The following PARVA variants were observed in gnomAD, a reference collection of about 807,000 sequenced individuals.
The protein encoded by PARVA is parvin alpha, also known as alpha-parvin.
Under a neutral mutation model 52.6 loss-of-function variants are expected in PARVA, and 25 were observed. The observed-to-expected ratio is 0.48, with a 90% CI of 0.35 to 0.66. The LOEUF (loss-of-function observed/expected upper bound fraction) is 0.66. PARVA is among the 30% of genes least tolerant of loss of function. PARVA has a pLI of 0.01. For missense variants in PARVA, 373 were observed against 450.9 expected (o/e 0.83, Z 1.56); for synonymous variants, 185 against 179.1 (o/e 1.03, Z -0.26).
Position 12,517,667 on chromosome 11 carries a change from C to G in PARVA, c.925C>G (p.Pro309Ala), listed in dbSNP as rs759398765. 6.2e-7 allele frequency: 1 copy of G among 1,605,066 alleles called. No individual in the cohort carries two copies. The highest frequency in any genetic ancestry group is 1.1e-5 in the South Asian group (1 of 88,952). The change falls in exon 11 of 13, where the codon CCC becomes GCC. Residue 309 changes from proline to alanine, a missense_variant. By Grantham distance (27) the Pro-to-Ala change is conservative. Transcript: ENST00000334956. The stretch of plus-strand genomic sequence containing the variant: ...GGGGCTCCTGGAGGGCTACTTTGTG[C>G]CCCTGCACAGCTTCTTCCTGACCCC... ...LMGLLEGYFV[P>A]LHSFFLTPDS... is the part of the protein sequence containing the mutation.
At chr11:12,501,183 C>T (rs1941358889) in intron 5 of PARVA, among the ~76,000 whole-genome samples, 1 of 149,090 alleles carries the variant, frequency 6.7e-6, no homozygotes, top group African/African-American at 2.4e-5. Flanking sequence ...CAAATGTTGG[C>T]CACAAGCACA....
Position 12,534,029 on chromosome 11 carries a change from G to A in PARVA, c.*6104G>A, listed in dbSNP as rs947772433. Among the ~76,000 whole-genome samples the A allele has an allele frequency of 6.6e-6, 1 of 152,128 alleles. No individual in the cohort carries two copies. The highest frequency in any genetic ancestry group is 2.4e-5 in the African/African-American group (1 of 41,420). Reference sequence around the variant, plus strand: ...TAAAAATACAAAAAATTAGCCAGGTGTGGTGGTGCGTGCCTGTAATCCCAG... The same window carrying A: ...TAAAAATACAAAAAATTAGCCAGGTATGGTGGTGCGTGCCTGTAATCCCAG... On this transcript the variant is annotated 3_prime_UTR_variant, in exon 13 of 13. Coordinates refer to ENST00000334956, the MANE Select transcript of PARVA (RefSeq NM_018222.5).
At chr11:12,412,025 A>G (rs1175353787) in intron 1 of PARVA, among the ~76,000 whole-genome samples, 1 of 152,088 alleles carries the variant, frequency 6.6e-6, no homozygotes, top group Non-Finnish European at 1.5e-5. Flanking sequence ...TCTAATCTCT[A>G]TGCAAAGACT....
At chr11:12,377,958 C>T (rs1452533895) in intron 1 of PARVA, among the ~76,000 whole-genome samples, 175 bp downstream of exon 1, 1 of 148,270 alleles carries the variant, frequency 6.7e-6, no homozygotes, top group African/African-American at 2.4e-5. Context: ...ACGCGCACCC[C>T]ACACTGAGCC....
At chr11:12,504,774 G>GGTGT (rs58878351) in intron 6 of PARVA, among the ~76,000 whole-genome samples, 4,285 of 149,306 alleles carry the variant, frequency 0.029, 194 homozygotes, top group African/African-American at 0.098. Flanking sequence ...AAGGTATGTG[G>GGTGT]GTGTGTGTGT....
At chr11:12,505,756 A>G (rs1404873200) in intron 6 of PARVA, among the ~76,000 whole-genome samples, 2 of 152,234 alleles carry the variant, frequency 1.3e-5, no homozygotes, top group Non-Finnish European at 2.9e-5. Context: ...TGGTTCAAGC[A>G]TCTTCCTAGT....
chr11:12,487,292 T>C (rs1332592400), intron 4 of PARVA, among the ~76,000 whole-genome samples: 1 of 152,226 alleles, frequency 6.6e-6, no homozygotes, highest in African/African-American at 2.4e-5. Flanking sequence ...GTGGCAGCTA[T>C]GCTAAAATTG....
At chr11:12,380,795 T>G (rs146690606) in intron 1 of PARVA, among the ~76,000 whole-genome samples, 1 of 140,206 alleles carries the variant, frequency 7.1e-6, no homozygotes, top group East Asian at 1.9e-4. Flanking sequence ...GCAGCTAAGG[T>G]TGCCTCTAAC....
At chr11:12,500,204 T>C (rs990898519) in intron 5 of PARVA, among the ~76,000 whole-genome samples, 1 of 152,208 alleles carries the variant, frequency 6.6e-6, no homozygotes, top group African/African-American at 2.4e-5. Flanking sequence ...TATTTCTAAC[T>C]CAGCAGCCCT....
intron 1 of PARVA, among the ~76,000 whole-genome samples, chr11:12,425,576 T>C (rs1314762294): frequency 5.3e-5 from 8 of 152,202 alleles, no homozygotes; most frequent in Non-Finnish European, 1.2e-4. Flanking sequence ...CCTGAGTGAT[T>C]TCTCTCTGCT....
intron 3 of PARVA, among the ~76,000 whole-genome samples, 186 bp downstream of exon 3, chr11:12,474,169 G>A (rs935093725): frequency 6.6e-6 from 1 of 152,114 alleles, no homozygotes; most frequent in African/African-American, 2.4e-5. Context: ...TTAAGTGTGG[G>A]ATGTGACAAA....
chr11:12,409,050 A>C (rs935614865), intron 1 of PARVA, among the ~76,000 whole-genome samples: 2 of 152,222 alleles, frequency 1.3e-5, no homozygotes, highest in Non-Finnish European at 2.9e-5. Flanking sequence ...TGTTGGGCCA[A>C]AGGTAGGTCC....
chr11:12,516,332 C>T (rs1941567225), intron 10 of PARVA, among the ~76,000 whole-genome samples: 1 of 152,198 alleles, frequency 6.6e-6, no homozygotes, highest in African/African-American at 2.4e-5. Context: ...GCCCAGCCTC[C>T]TTTGAAAGGG....
At position 12,516,832 on chromosome 11, in the gene PARVA, G is replaced by C. The variant is rs117712168; in HGVS notation, c.868-778G>C. Among the ~76,000 whole-genome samples, 698 of 152,288 alleles carry C rather than the reference G, an allele frequency of 4.6e-3. 5 individuals are homozygous for C. The highest frequency in any genetic ancestry group is 0.044 in the Middle Eastern group (13 of 294). On this transcript the variant is annotated intron_variant, in intron 10 of 12. Transcript: ENST00000334956. ...ATTACCATCCCTGTTTTACAGATAA[G>C]ACATATGAGTACAGAGAAGTGACAT... is the stretch of plus-strand genomic sequence containing the variant.
intron 3 of PARVA, among the ~76,000 whole-genome samples, chr11:12,476,078 G>A (rs1362382238): frequency 6.6e-6 from 1 of 152,152 alleles, no homozygotes; most frequent in Non-Finnish European, 1.5e-5. Flanking sequence ...TACTTGCTCA[G>A]GAGACCTCTA....
chr11:12,435,475 T>A (rs1027147170), intron 1 of PARVA, among the ~76,000 whole-genome samples: 1 of 152,212 alleles, frequency 6.6e-6, no homozygotes, highest in African/African-American at 2.4e-5. Flanking sequence ...GGTCTATTTC[T>A]AAGTCCCAGG....
intron 5 of PARVA, among the ~76,000 whole-genome samples, chr11:12,499,459 C>T (rs1174777354): frequency 1.3e-5 from 2 of 150,232 alleles, no homozygotes; most frequent in African/African-American, 2.5e-5. Flanking sequence ...TTCTAATTCA[C>T]AACAGTAATT....
chr11:12,387,813 CTTCT>C (rs886076448), intron 1 of PARVA, among the ~76,000 whole-genome samples: 16 of 151,892 alleles, frequency 1.1e-4, no homozygotes, highest in African/African-American at 2.9e-4. Flanking sequence ...GGCCGGTTGA[CTTCT>C]TTGTTTTCAT....
chr11:12,466,375 C>G (rs1213456046), intron 1 of PARVA, among the ~76,000 whole-genome samples: 15 of 150,332 alleles, frequency 1.0e-4, no homozygotes, highest in Admixed American at 1.0e-3. Flanking sequence ...GGCCTGATCT[C>G]AGCTCACTGC....
Sources: allele counts gnomAD v4.1 joint callset (sites outside exome capture counted in the v4.1 genomes callset), GRCh38; gene constraint gnomAD v4.1.1; transcripts MANE v1.5; gene names NCBI Gene and HGNC (gene_info 2026-07-23, HGNC 2026-07-21).